Variants in ABLIM2 observed in about 807,000 individuals in gnomAD.
ABLIM2 encodes actin-binding LIM protein 2.
A neutral mutation model predicts 97.7 loss-of-function variants in ABLIM2; 53 were observed. The ratio of observed to expected loss-of-function variants is 0.54; its 90% confidence interval spans 0.44 to 0.68. The LOEUF (loss-of-function observed/expected upper bound fraction) is 0.68. Among genes scored for constraint, ABLIM2 ranks in the 30% least tolerant of loss-of-function variants. ABLIM2 has a pLI of 0.00. For missense variants in ABLIM2, 835 were observed against 867.2 expected, an observed-to-expected ratio of 0.96 and a Z score of 0.47; for synonymous variants, 361 against 345.8, an observed-to-expected ratio of 1.04 and a Z score of -0.49.
intron 20 of ABLIM2, among the ~76,000 whole-genome samples, chr4:7,972,976 C>T (rs1411568539): frequency 6.6e-6 from 1 of 152,106 alleles, no homozygotes; most frequent in Non-Finnish European, 1.5e-5. Flanking sequence ...AATTTGGGCT[C>T]TCACTGCTTG....
chr4:8,051,673 C>T (rs1359255563), intron 8 of ABLIM2, among the ~76,000 whole-genome samples: 4 of 152,174 alleles, frequency 2.6e-5, no homozygotes, highest in Admixed American at 2.0e-4. Flanking sequence ...CAGGCAGGCA[C>T]CGTTTGATAT....
At chr4:7,983,714 A>C (rs1052797085) in intron 18 of ABLIM2, among the ~76,000 whole-genome samples, 160 bp from the exon 19 acceptor site, 3 of 152,196 alleles carry the variant, frequency 2.0e-5, no homozygotes, top group African/African-American at 4.8e-5. Flanking sequence ...CCCTAATCTC[A>C]GAGCTGCAGG....
At chr4:8,136,029 C>T (rs558815131) in intron 1 of ABLIM2, among the ~76,000 whole-genome samples, 2 of 152,314 alleles carry the variant, frequency 1.3e-5, no homozygotes, top group Non-Finnish European at 1.5e-5. Context: ...GCAGAATCTC[C>T]ACCAGCCAAG....
At chr4:7,993,048 C>A in intron 16 of ABLIM2, 121 bp from the exon 17 acceptor site, 2 of 984,764 alleles carry the variant, frequency 2.0e-6, no homozygotes, top group South Asian at 1.4e-5. Context: ...AGGGGAGGCC[C>A]CCTGAGGACC....
intron 1 of ABLIM2, among the ~76,000 whole-genome samples, chr4:8,141,266 T>C (rs1320570343): frequency 6.6e-6 from 1 of 151,860 alleles, no homozygotes; most frequent in Non-Finnish European, 1.5e-5. Context: ...TCGAAGTGCC[T>C]GGCCCTAAGC....
intron 10 of ABLIM2, among the ~76,000 whole-genome samples, chr4:8,031,205 C>A (rs938892349): frequency 1.9e-4 from 29 of 152,354 alleles, no homozygotes; most frequent in Middle Eastern, 3.4e-3. Flanking sequence ...AGCCTGCAGG[C>A]TGTGCATGGC....
intron 1 of ABLIM2, among the ~76,000 whole-genome samples, chr4:8,109,041 C>T (rs1286438863): frequency 6.6e-6 from 1 of 152,228 alleles, no homozygotes; most frequent in Admixed American, 6.5e-5. Context: ...TCACTGGGGC[C>T]GTCCAGGAAA....
At chr4:8,006,882 G>C (rs1015160401) in intron 16 of ABLIM2, 6 of 376,372 alleles carry the variant, frequency 1.6e-5, no homozygotes, top group South Asian at 1.1e-4. Flanking sequence ...TTTGCAGGGG[G>C]GGGGTGGCTT....
chr4:8,091,085 C>A (rs1405798793), intron 3 of ABLIM2, among the ~76,000 whole-genome samples: 1 of 150,558 alleles, frequency 6.6e-6, no homozygotes, highest in African/African-American at 2.5e-5. Flanking sequence ...ATTCTGCATT[C>A]ACAACGGCAC....
intron 1 of ABLIM2, among the ~76,000 whole-genome samples, chr4:8,129,392 G>A (rs891150628): frequency 9.2e-5 from 14 of 152,254 alleles, no homozygotes; most frequent in South Asian, 2.1e-4. Context: ...GCCCCTGCGC[G>A]CCCGAAACAC....
rs538976483 is a variant in ABLIM2 at position 8,017,579 on chromosome 4, C to T, written c.1423+2039G>A. 1.2e-4 allele frequency among the ~76,000 whole-genome samples: 18 copies of T among 152,270 alleles called. 1 individual carries two copies. In the East Asian group the frequency reaches 3.5e-3, roughly 29 times the overall value. On this transcript the variant is annotated intron_variant, in intron 14 of 20. Transcript: ENST00000447017. ...CTAGGATTACAGGTGTGAGCCACCA[C>T]ACCCGGCTTACAGCAAAATTTTGGA...
Position 8,071,229 on chromosome 4 carries a change from C to A in ABLIM2, c.675+6399G>T, listed in dbSNP as rs1408921590. ...TGCTGCCAGGCGCCACCCACCTCTG[C>A]TGCCCCAGCCCAGTGCCTCCCCCAT... On this transcript the variant is annotated intron_variant, in intron 6 of 20. Coordinates refer to ENST00000447017, the MANE Select transcript of ABLIM2 (RefSeq NM_001130083.2). This position sits in a 1 kb window ranked among gnomAD's most constrained non-coding sequence, Gnocchi z 6.2. Among the ~76,000 whole-genome samples the A allele has an allele frequency of 6.6e-6, 1 of 152,178 alleles. No individual in the cohort carries two copies. The highest frequency in any genetic ancestry group is 1.5e-5 in the Non-Finnish European group (1 of 68,036).
chr4:8,080,888 C>A lies in ABLIM2; in HGVS notation c.455-86G>T. On this transcript the variant is annotated intron_variant, in intron 4 of 20. Transcript: ENST00000447017. ...TCCTGCTCTCCACACTCCGTGAAGG[C>A]CCCTGGGGCAGCCGGGAGGGGCGGG... is the stretch of plus-strand genomic sequence containing the variant. The A allele has an allele frequency of 2.0e-6, 3 of 1,493,252 alleles. No homozygotes were observed. In the South Asian group the frequency reaches 4.1e-5, roughly 20 times the overall value. The allele number at this position is 1,493,252 out of a possible 1,614,324, so 92.5% of individuals were successfully genotyped here.
intron 20 of ABLIM2, among the ~76,000 whole-genome samples, chr4:7,978,157 T>C (rs1735034665): frequency 6.6e-6 from 1 of 152,202 alleles, no homozygotes; most frequent in South Asian, 2.1e-4. Context: ...TCTCTCCTGC[T>C]GGGAGGTGGC....
At chr4:7,984,702 T>TC in intron 18 of ABLIM2, 137 bp downstream of exon 18, 1 of 890,440 alleles carries the variant, frequency 1.1e-6, no homozygotes. Context: ...CAGCACGCCC[T>TC]CCCCCGAGGT....
rs1172784760 is a variant in ABLIM2 at position 8,148,230 on chromosome 4, C to A, written c.10+10450G>T. Reference sequence around the variant, plus strand: ...AAGCTCTCCTGTGGGGGCCCTGGGCCAGGCAGGTTCTGAAGGGCCCAGTGT... The same window carrying A: ...AAGCTCTCCTGTGGGGGCCCTGGGCAAGGCAGGTTCTGAAGGGCCCAGTGT... On this transcript the variant is annotated intron_variant, in intron 1 of 20. Transcript: ENST00000447017. The surrounding 1 kb of genome is among the most constrained non-coding windows in gnomAD (Gnocchi z 6.7). Among the ~76,000 whole-genome samples the A allele has an allele frequency of 6.6e-6, 1 of 152,208 alleles. No homozygotes were observed. The highest frequency in any genetic ancestry group is 2.4e-5 in the African/African-American group (1 of 41,448).
rs1847381023 is a variant in ABLIM2, at chr4:8,125,340, T to G, written c.11-18703A>C. On this transcript the variant is annotated intron_variant, in intron 1 of 20. Coordinates refer to ENST00000447017, the MANE Select transcript of ABLIM2 (RefSeq NM_001130083.2). This position sits in a 1 kb window ranked among gnomAD's most constrained non-coding sequence, Gnocchi z 6.2. The stretch of plus-strand genomic sequence containing the variant: ...AGTGTTCTTCTAAGAGATTTACGGG[T>G]TTTTTGGTTTTACTGTAATTTTACA... 6.6e-6 allele frequency among the ~76,000 whole-genome samples: 1 copy of G among 152,086 alleles called. No homozygotes were observed. Among genetic ancestry groups the G allele is most frequent in the Non-Finnish European group, 1.5e-5 (1 of 68,016 alleles).
intron 20 of ABLIM2, among the ~76,000 whole-genome samples, chr4:7,975,210 C>G (rs1473352804): frequency 6.6e-6 from 1 of 152,026 alleles, no homozygotes; most frequent in East Asian, 1.9e-4. Context: ...AGAGTGAGAC[C>G]CTGTCTCAAA....
intron 8 of ABLIM2, among the ~76,000 whole-genome samples, chr4:8,049,326 A>C (rs1388200491): frequency 6.6e-6 from 1 of 152,144 alleles, no homozygotes; most frequent in Non-Finnish European, 1.5e-5. Flanking sequence ...GGCAGCTAGG[A>C]CCACATCCTT....
Sources: allele counts gnomAD v4.1 joint callset (sites outside exome capture counted in the v4.1 genomes callset), GRCh38; gene constraint gnomAD v4.1.1; non-coding constraint Gnocchi (gnomAD v3.1); transcripts MANE v1.5; gene names NCBI Gene and HGNC (gene_info 2026-07-23, HGNC 2026-07-21).